The following DNAJC5B variants were observed in gnomAD, a reference collection of about 807,000 sequenced individuals.
DNAJC5B encodes dnaJ homolog subfamily C member 5B.
Under a neutral mutation model 24.7 loss-of-function variants are expected in DNAJC5B, and 23 were observed. The observed-to-expected ratio is 0.93, with a 90% confidence interval of 0.67 to 1.32. DNAJC5B has a LOEUF of 1.32. Ranked by LOEUF, DNAJC5B falls within the 40% of genes most tolerant of loss-of-function variation. The pLI is 0.00. For synonymous variants in DNAJC5B, 101 were observed against 90.1 expected, an observed-to-expected ratio of 1.12 and a Z score of -0.68; for missense variants, 238 against 240.8, an observed-to-expected ratio of 0.99 and a Z score of 0.08.
chr8:66,089,433 A>G (rs1444170316), intron 5 of DNAJC5B, among the ~76,000 whole-genome samples: 1 of 152,174 alleles, frequency 6.6e-6, no homozygotes, highest in African/African-American at 2.4e-5. Context: ...ACTATTTCTT[A>G]ATTTATGAAA....
chr8:66,037,530 A>G (rs1159649490), intron 1 of DNAJC5B, among the ~76,000 whole-genome samples: 1 of 152,118 alleles, frequency 6.6e-6, no homozygotes, highest in Non-Finnish European at 1.5e-5. Context: ...GGGCCCCAAG[A>G]GGGTGTGTGT....
At chr8:66,065,054 T>C (rs900418212) in intron 3 of DNAJC5B, among the ~76,000 whole-genome samples, 2 of 152,148 alleles carry the variant, frequency 1.3e-5, no homozygotes. Flanking sequence ...AGTAAAAATG[T>C]GGGGAAATAC....
chr8:66,045,404 G>A (rs760479840), intron 2 of DNAJC5B, among the ~76,000 whole-genome samples: 5 of 152,170 alleles, frequency 3.3e-5, no homozygotes, highest in Non-Finnish European at 7.3e-5. Context: ...TATCAAACAA[G>A]TTGGCTACTG....
intron 1 of DNAJC5B, among the ~76,000 whole-genome samples, chr8:66,038,576 AAC>A (rs1454386981): frequency 6.6e-6 from 1 of 152,230 alleles, no homozygotes; most frequent in African/African-American, 2.4e-5. Context: ...TTTGTGAAAA[AAC>A]ACAAAATAAA....
chr8:66,059,265 C>T (rs1303081408), intron 3 of DNAJC5B, among the ~76,000 whole-genome samples: 1 of 152,202 alleles, frequency 6.6e-6, no homozygotes, highest in African/African-American at 2.4e-5. Flanking sequence ...ATTTTACCTG[C>T]TTCTCCCACT....
intron 5 of DNAJC5B, among the ~76,000 whole-genome samples, chr8:66,092,126 A>G (rs1472791036): frequency 4.6e-5 from 7 of 152,220 alleles, no homozygotes; most frequent in Admixed American, 3.3e-4. Flanking sequence ...TATGTACTCA[A>G]TGCCACTGAA....
At chr8:66,016,332 G>T in the DNAJC5B span, among the ~76,000 whole-genome samples, 1 of 152,200 alleles carries the variant, frequency 6.6e-6, no homozygotes, top group Non-Finnish European at 1.5e-5. Flanking sequence ...GATTATGGAG[G>T]TGGTTTCCCT....
intron 1 of DNAJC5B, among the ~76,000 whole-genome samples, chr8:66,030,888 C>T (rs758093230): frequency 7.2e-5 from 11 of 152,214 alleles, no homozygotes; most frequent in Non-Finnish European, 1.2e-4. Flanking sequence ...CTGCCTACCT[C>T]GTCCTCCCAA....
chr8:66,078,443 T>C (rs1189361858), intron 4 of DNAJC5B, among the ~76,000 whole-genome samples: 1 of 152,160 alleles, frequency 6.6e-6, no homozygotes, highest in African/African-American at 2.4e-5. Flanking sequence ...TACCTGTGCC[T>C]AGTACTGTAC....
At chr8:66,084,447 C>T (rs1006311558) in intron 5 of DNAJC5B, among the ~76,000 whole-genome samples, 1 of 152,070 alleles carries the variant, frequency 6.6e-6, no homozygotes, top group African/African-American at 2.4e-5. Flanking sequence ...CTGTTTATCA[C>T]TTGGGGAATC....
rs148114064 is a variant in DNAJC5B, at chr8:66,072,010, G to A, written c.120-4650G>A. On this transcript the variant is annotated intron_variant, in intron 3 of 5. Transcript: ENST00000276570. ...TGGGAGTTGAACAATGAGAGCACAT[G>A]GACATAGGGAGGTGAATATCACACA... is the stretch of plus-strand genomic sequence containing the variant. 2.0e-3 allele frequency among the ~76,000 whole-genome samples: 300 copies of A among 146,344 alleles called. 1 individual carries two copies. Among genetic ancestry groups the A allele is most frequent in the Middle Eastern group, 6.9e-3 (2 of 288 alleles).
chr8:66,048,881 G>A (rs16932446), intron 2 of DNAJC5B, among the ~76,000 whole-genome samples: 9,897 of 152,114 alleles, frequency 0.065, 659 homozygotes, highest in East Asian at 0.17. Context: ...ATCACCCAGC[G>A]GACATTTGCC....
chr8:66,090,686 TTA>T (rs1807828655), intron 5 of DNAJC5B, among the ~76,000 whole-genome samples: 2 of 152,050 alleles, frequency 1.3e-5, no homozygotes, highest in African/African-American at 4.8e-5. Flanking sequence ...TGGCTTGTAA[TTA>T]GACTCTCACT....
At chr8:66,092,319 C>G (rs1807864765) in intron 5 of DNAJC5B, among the ~76,000 whole-genome samples, 1 of 152,146 alleles carries the variant, frequency 6.6e-6, no homozygotes, top group African/African-American at 2.4e-5. Context: ...GAGGAAATCA[C>G]AGGCCTAAGC....
At chr8:66,032,665 C>T (rs1806384385) in intron 1 of DNAJC5B, among the ~76,000 whole-genome samples, 1 of 152,168 alleles carries the variant, frequency 6.6e-6, no homozygotes, top group South Asian at 2.1e-4. Flanking sequence ...AAAATCTGCC[C>T]ATCAAAACTG....
chr8:66,048,103 A>G (rs1317133592), intron 2 of DNAJC5B, among the ~76,000 whole-genome samples: 1 of 152,156 alleles, frequency 6.6e-6, no homozygotes, highest in East Asian at 1.9e-4. Context: ...GCTAAAGTAT[A>G]TGCAAAGCAA....
At chr8:66,065,592 G>A (rs1807173055) in intron 3 of DNAJC5B, among the ~76,000 whole-genome samples, 1 of 152,284 alleles carries the variant, frequency 6.6e-6, no homozygotes, top group Middle Eastern at 3.4e-3. Flanking sequence ...AGCTTCTTGT[G>A]GGAGGGCAGT....
intron 4 of DNAJC5B, among the ~76,000 whole-genome samples, chr8:66,078,362 G>A (rs1320520176): frequency 1.3e-5 from 2 of 152,116 alleles, no homozygotes; most frequent in Non-Finnish European, 2.9e-5. Flanking sequence ...TAGCAATCAT[G>A]TGATAAATAT....
chr8:66,090,587 C>T (rs913462741), intron 5 of DNAJC5B, among the ~76,000 whole-genome samples: 1 of 152,088 alleles, frequency 6.6e-6, no homozygotes, highest in African/African-American at 2.4e-5. Context: ...ATAGAAAAAT[C>T]TGTTGACTGC....
Sources: gnomAD v4.1 joint callset for allele counts (sites outside exome capture counted in the v4.1 genomes callset) on GRCh38, gnomAD v4.1.1 for gene constraint, MANE v1.5 for transcripts, NCBI Gene and HGNC (gene_info 2026-07-23, HGNC 2026-07-21) for gene names.